Variants in WNT3 observed in about 807,000 individuals in gnomAD.
WNT3 encodes Wnt family member 3.
WNT3 carries 7 observed loss-of-function variants against 34.2 expected under a neutral mutation model. The observed-to-expected ratio is 0.20, with a 90% CI of 0.12 to 0.38. WNT3 has a LOEUF of 0.38. WNT3 is among the 10% of genes least tolerant of loss of function. The pLI, the probability that WNT3 is intolerant of heterozygous loss-of-function variation, is 1.00. For synonymous variants in WNT3, 212 were observed against 211.5 expected, an observed-to-expected ratio of 1.00 and a Z score of -0.02; for missense variants, 267 against 499.8, an observed-to-expected ratio of 0.53 and a Z score of 4.44.
rs768821285 is a variant in WNT3, at chr17:46,768,411, C to T, written c.977G>A (p.Arg326Gln). 1.5e-5 allele frequency: 25 copies of T among 1,613,834 alleles called. No individual in the cohort carries two copies. In the Middle Eastern group the frequency reaches 2.1e-3, roughly 138 times the overall value. ...GAAGATGCAGTGGCATTTTTCCTTC[C>T]GCTTCTCCGTCCTCGTGTTGTGGCC... ...GRGHNTRTEK[R>Q]KEKCHCIFHW... Residue 326 changes from arginine to glutamine, a missense_variant, in exon 4 of 5, where the codon CGG becomes CAG. Physicochemically the swap from Arg to Gln is conservative, Grantham distance 43. Coordinates refer to ENST00000225512, the MANE Select transcript of WNT3 (RefSeq NM_030753.5). The surrounding 1 kb of genome is among the most constrained non-coding windows in gnomAD (Gnocchi z 5.0).
chr17:46,798,336 C>T (rs915975347), intron 1 of WNT3, among the ~76,000 whole-genome samples: 4 of 152,198 alleles, frequency 2.6e-5, no homozygotes, highest in African/African-American at 7.2e-5. Context: ...ATGGACACGA[C>T]GGCCTAGTCA....
In WNT3 at chr17:46,769,999, G is replaced by A. The variant is rs374403793; in HGVS notation, c.372C>T (p.Ala124=). 1.1e-5 allele frequency: 18 copies of A among 1,597,790 alleles called. No individual in the cohort carries two copies. The highest frequency in any genetic ancestry group is 1.4e-5 in the Non-Finnish European group (17 of 1,172,570). The change falls in exon 3 of 5, where the codon GCC becomes GCT. Residue 124 remains alanine (A), a synonymous_variant. Coordinates refer to ENST00000225512, the MANE Select transcript of WNT3 (RefSeq NM_030753.5). ...FVHAIASAGV[A]FAVTRSCAEG... ...CGGCGCAGGAGCGGGTGACGGCGAA[G>A]GCCACGCCGGCCGAGGCGATGGCGT...
In WNT3 at chr17:46,763,865, A is replaced by C. The variant is rs1422646737; in HGVS notation, c.*765T>G. On this transcript the variant is annotated 3_prime_UTR_variant, in exon 5 of 5. Transcript: ENST00000225512. ...AAAAAAACAAAAAAACAAAAAAAAA[A>C]CTGCATTGACGGTGGAAACTGCAGA... 1.3e-5 allele frequency: 2 copies of C among 151,878 alleles called. No homozygotes were observed. The highest frequency in any genetic ancestry group is 1.9e-4 in the East Asian group (1 of 5,200). 9.4% of individuals were successfully genotyped at this position (151,878 alleles called of 1,614,324 possible). A position where few individuals can be genotyped will look rare whatever the true frequency, so the allele number is the denominator to read the frequency against.
rs779338814 is a variant in WNT3 at position 46,768,776 on chromosome 17, G to A, written c.612C>T (p.Leu204=). 2.5e-6 allele frequency: 4 copies of A among 1,613,970 alleles called. No homozygotes were observed. Among genetic ancestry groups the A allele is most frequent in the Non-Finnish European group, 3.4e-6 (4 of 1,180,034 alleles). Residue 204 remains leucine (L), a synonymous_variant, in exon 4 of 5, where the codon CTC becomes CTT. Transcript: ENST00000225512. The surrounding 1 kb of genome is among the most constrained non-coding windows in gnomAD (Gnocchi z 5.0). ...CCGACAGCCCGTGGCACTTGCATTT[G>A]AGGTGCATGTGGTCCAGGATAGTCT... ...GRTTILDHMH[L]KCKCHGLSGS...
At chr17:46,808,598 T>G (rs914067365) in intron 1 of WNT3, among the ~76,000 whole-genome samples, 12 of 152,176 alleles carry the variant, frequency 7.9e-5, no homozygotes, top group African/African-American at 2.9e-4. Context: ...AGAATTAGAT[T>G]CAGATAAATC....
intron 1 of WNT3, among the ~76,000 whole-genome samples, chr17:46,781,182 C>T (rs181250699): frequency 7.9e-5 from 12 of 151,360 alleles, no homozygotes; most frequent in Non-Finnish European, 2.9e-5. Flanking sequence ...GAGCCAGTTG[C>T]GCCACTGCAC....
intron 1 of WNT3, among the ~76,000 whole-genome samples, chr17:46,776,822 A>G (rs2059416103): frequency 6.6e-6 from 1 of 152,108 alleles, no homozygotes; most frequent in South Asian, 2.1e-4. Context: ...GGACCACTGG[A>G]GCGGAGAGCT....
chr17:46,787,806 A>G (rs1157753145), intron 1 of WNT3, among the ~76,000 whole-genome samples: 2 of 152,176 alleles, frequency 1.3e-5, no homozygotes, highest in African/African-American at 2.4e-5. Flanking sequence ...AACAGAAAAA[A>G]TTAACCAGGC....
At chr17:46,778,477 T>A (rs1001320782) in intron 1 of WNT3, among the ~76,000 whole-genome samples, 1 of 152,200 alleles carries the variant, frequency 6.6e-6, no homozygotes, top group Non-Finnish European at 1.5e-5. Context: ...GCTGTGGCCA[T>A]GGGATTGATT....
intron 1 of WNT3, among the ~76,000 whole-genome samples, chr17:46,793,272 TAAAAAAAA>T (rs71138551): frequency 1.4e-4 from 6 of 41,950 alleles, no homozygotes; most frequent in South Asian, 2.0e-3. Context: ...AGACCCTGTC[TAAAAAAAA>T]AAAAAAAAAA....
intron 1 of WNT3, among the ~76,000 whole-genome samples, chr17:46,800,198 C>T (rs571874286): frequency 6.6e-5 from 10 of 152,266 alleles, no homozygotes; most frequent in African/African-American, 2.4e-4. Flanking sequence ...GCAGCCTCCA[C>T]CTCCCAGGTT....
In WNT3 at chr17:46,794,227, C is replaced by A. The variant is rs191225125; in HGVS notation, c.81-20318G>T. Among the ~76,000 whole-genome samples, 26 of 152,140 alleles carry A rather than the reference C, an allele frequency of 1.7e-4. 1 individual carries two copies. The highest frequency in any genetic ancestry group is 3.1e-4 in the Non-Finnish European group (21 of 68,006). ...CCTGAGAGAAAAGGAAGAGGATGGGCATTTCTGGGACATTGATGTCACATA... is the reference window on the plus strand; with the variant it reads ...CCTGAGAGAAAAGGAAGAGGATGGGAATTTCTGGGACATTGATGTCACATA... On this transcript the variant is annotated intron_variant, in intron 1 of 4. Transcript: ENST00000225512.
At chr17:46,789,484 G>A (rs948385027) in intron 1 of WNT3, among the ~76,000 whole-genome samples, 6 of 152,228 alleles carry the variant, frequency 3.9e-5, no homozygotes, top group African/African-American at 1.4e-4. Flanking sequence ...CACCAGAAGT[G>A]TGACAGTAGA....
intron 1 of WNT3, among the ~76,000 whole-genome samples, chr17:46,808,861 A>G (rs1316687692): frequency 6.6e-6 from 1 of 151,886 alleles, no homozygotes; most frequent in African/African-American, 2.4e-5. Context: ...GCTCATCTCC[A>G]CTCCTGGGAC....
intron 1 of WNT3, among the ~76,000 whole-genome samples, chr17:46,800,233 C>T (rs2084106904): frequency 6.6e-6 from 1 of 152,174 alleles, no homozygotes; most frequent in Non-Finnish European, 1.5e-5. Flanking sequence ...GCCTTAGCCT[C>T]CCGAGTAGCT....
intron 1 of WNT3, among the ~76,000 whole-genome samples, chr17:46,776,244 C>T (rs1463292124): frequency 6.6e-6 from 1 of 152,230 alleles, no homozygotes; most frequent in Non-Finnish European, 1.5e-5. Flanking sequence ...GGCCCATCTG[C>T]ACCCTGGGCC....
chr17:46,774,352 G>A lies in WNT3; in HGVS notation c.81-443C>T, dbSNP rs540455564. ...ACACTTCCAGTGACTCATGGGACAC[G>A]CGCGCGCGCGCACACACACACACTA... On this transcript the variant is annotated intron_variant, in intron 1 of 4. Coordinates refer to ENST00000225512, the MANE Select transcript of WNT3 (RefSeq NM_030753.5). 3.9e-5 allele frequency among the ~76,000 whole-genome samples: 6 copies of A among 152,054 alleles called. No individual in the cohort carries two copies. In the East Asian group the frequency reaches 5.8e-4, roughly 15 times the overall value.
intron 1 of WNT3, among the ~76,000 whole-genome samples, chr17:46,788,868 G>A (rs2083942509): frequency 6.6e-6 from 1 of 152,202 alleles, no homozygotes; most frequent in Admixed American, 6.5e-5. Context: ...GAGGGCAGGT[G>A]ATGGCCATGG....
intron 2 of WNT3, 140 bp from the exon 3 acceptor site, chr17:46,770,188 G>T: frequency 8.3e-7 from 1 of 1,199,564 alleles, no homozygotes; most frequent in Non-Finnish European, 1.1e-6. Flanking sequence ...CAAGAGGGAG[G>T]CAGCTTCCCC....
Sources: gnomAD v4.1 joint callset for allele counts (sites outside exome capture counted in the v4.1 genomes callset) on GRCh38, gnomAD v4.1.1 for gene constraint, Gnocchi (gnomAD v3.1) non-coding constraint, MANE v1.5 for transcripts, NCBI Gene and HGNC (gene_info 2026-07-23, HGNC 2026-07-21) for gene names.